The following SLC26A4 variants were observed in gnomAD, a reference collection of about 807,000 sequenced individuals.
SLC26A4 encodes pendrin.
A neutral mutation model predicts 90.4 loss-of-function variants in SLC26A4; 93 were observed. That is an observed-to-expected ratio of 1.03 (90% CI 0.87 to 1.22). SLC26A4 has a LOEUF of 1.22. Among genes scored for constraint, SLC26A4 ranks in the 50% most tolerant of loss-of-function variants. The probability of loss-of-function intolerance (pLI) is 0.00; values close to 1 mark genes in which losing one functional copy is unlikely to be tolerated. For synonymous variants in SLC26A4, 393 were observed against 354.6 expected (o/e 1.11, Z -1.22); for missense variants, 1,127 against 946.2 (o/e 1.19, Z -2.51).
intron 8 of SLC26A4, among the ~76,000 whole-genome samples, chr7:107,684,313 A>G (rs553630780): frequency 3.3e-5 from 5 of 152,312 alleles, no homozygotes; most frequent in African/African-American, 9.6e-5. Context: ...AAGAAGTACT[A>G]GTTTTCCCTA....
chr7:107,671,650 A>G (rs1261018989), intron 3 of SLC26A4, among the ~76,000 whole-genome samples: 5 of 152,198 alleles, frequency 3.3e-5, no homozygotes, highest in Admixed American at 1.3e-4. Context: ...AAGGAGACCA[A>G]CTCAGGACAG....
At chr7:107,671,905 G>C (rs554385773) in intron 3 of SLC26A4, among the ~76,000 whole-genome samples, 1 of 152,268 alleles carries the variant, frequency 6.6e-6, no homozygotes, top group South Asian at 2.1e-4. Flanking sequence ...ATAATCTAAC[G>C]CAAGCCTATT....
Position 107,661,281 on chromosome 7 carries a change from G to T in SLC26A4, c.-3-358G>T. 1 of 357,366 alleles carries T rather than the reference G, an allele frequency of 2.8e-6. No homozygotes were observed. Among genetic ancestry groups the T allele is most frequent in the Non-Finnish European group, 5.2e-6 (1 of 192,954 alleles). The allele number at this position is 357,366 out of a possible 1,614,324, so 22.1% of individuals were successfully genotyped here. On this transcript the variant is annotated intron_variant, in intron 1 of 20. Transcript: ENST00000644269. This position sits in a 1 kb window ranked among gnomAD's most constrained non-coding sequence, Gnocchi z 5.1. ...CCTTTGGCCCCTGCCCCAGCCCCTC[G>T]GTTTGGGGGAGATTTCAGAACGCGG...
At chr7:107,690,896 T>G (rs769086286) in intron 10 of SLC26A4, among the ~76,000 whole-genome samples, 5 of 151,680 alleles carry the variant, frequency 3.3e-5, no homozygotes, top group Admixed American at 6.6e-5. Flanking sequence ...TTCAGAAAGC[T>G]CAGGAGCCAT....
intron 13 of SLC26A4, 52 bp downstream of exon 13, chr7:107,696,091 C>T (rs758034781): frequency 2.0e-6 from 2 of 976,950 alleles, no homozygotes; most frequent in South Asian, 2.6e-5. Flanking sequence ...ACACTCTGAG[C>T]TTCCTTATAC....
At chr7:107,702,191 G>A in intron 17 of SLC26A4, 134 bp downstream of exon 17, 1 of 721,878 alleles carries the variant, frequency 1.4e-6, no homozygotes, top group Middle Eastern at 2.3e-4. Flanking sequence ...GTAAAAAAGT[G>A]TAATATTTTA....
At chr7:107,686,108 G>A (rs113391901) in intron 8 of SLC26A4, among the ~76,000 whole-genome samples, 1 of 140,466 alleles carries the variant, frequency 7.1e-6, no homozygotes, top group Non-Finnish European at 1.6e-5. Context: ...TGTGTGTGTG[G>A]GTGTGTGTGT....
At chr7:107,665,839 A>T (rs893205745) in intron 3 of SLC26A4, among the ~76,000 whole-genome samples, 5 of 152,158 alleles carry the variant, frequency 3.3e-5, no homozygotes, top group African/African-American at 9.7e-5. Flanking sequence ...GGTAAGTGGT[A>T]CAGCTGGGAT....
intron 20 of SLC26A4, among the ~76,000 whole-genome samples, chr7:107,713,342 A>G (rs1195035087): frequency 6.6e-6 from 1 of 152,220 alleles, no homozygotes; most frequent in Non-Finnish European, 1.5e-5. Context: ...CGGCTTCTCA[A>G]GGGAGTTTGT....
At chr7:107,674,033 G>C in intron 4 of SLC26A4, 131 bp from the exon 5 acceptor site, 1 of 965,256 alleles carries the variant, frequency 1.0e-6, no homozygotes, top group Non-Finnish European at 1.6e-6. Context: ...GTCCGGCTCA[G>C]CTTCTTTCGT....
intron 8 of SLC26A4, among the ~76,000 whole-genome samples, chr7:107,688,799 A>C (rs773234034): frequency 2.0e-5 from 3 of 152,246 alleles, no homozygotes; most frequent in Non-Finnish European, 4.4e-5. Flanking sequence ...TATTCATGTG[A>C]GAGATAGAGA....
chr7:107,682,768 G>A (rs1170609288), intron 6 of SLC26A4, among the ~76,000 whole-genome samples: 1 of 152,046 alleles, frequency 6.6e-6, no homozygotes, highest in Non-Finnish European at 1.5e-5. Flanking sequence ...CTGTATCACT[G>A]TAGTAAAAAT....
chr7:107,689,823 A>ATG (rs1791517952), intron 9 of SLC26A4, among the ~76,000 whole-genome samples: 1 of 152,224 alleles, frequency 6.6e-6, no homozygotes, highest in Non-Finnish European at 1.5e-5. Flanking sequence ...AAAACACTTT[A>ATG]TGTGAGAGCT....
intron 17 of SLC26A4, among the ~76,000 whole-genome samples, chr7:107,703,034 C>A (rs1270044017): frequency 6.6e-6 from 1 of 152,172 alleles, no homozygotes; most frequent in Non-Finnish European, 1.5e-5. Context: ...ATTCTGTCAA[C>A]AAATAGATGT....
chr7:107,672,906 A>G (rs1790913880), intron 4 of SLC26A4, among the ~76,000 whole-genome samples: 1 of 152,216 alleles, frequency 6.6e-6, no homozygotes, highest in Non-Finnish European at 1.5e-5. Flanking sequence ...CATTTATACT[A>G]GAGAAAATTT....
In SLC26A4 at chr7:107,712,564, A is replaced by T; in HGVS notation, c.2261A>T (p.Asp754Val). The change falls in exon 20 of 21, where the codon GAT (aspartate) becomes GTT (valine). Residue 754 changes from aspartate (D) to valine (V), a missense_variant. Physicochemically the swap from Asp to Val is radical, Grantham distance 152. Coordinates refer to ENST00000644269, the MANE Select transcript of SLC26A4 (RefSeq NM_000441.2). ...ATCACTCTCATTCAGGATTGTAAAGATACCCTTGAATTAATAGAAACAGAG... is the reference window on the plus strand; with the variant it reads ...ATCACTCTCATTCAGGATTGTAAAGTTACCCTTGAATTAATAGAAACAGAG... ...ETITLIQDCK[D>V]TLELIETELT... 6.3e-7 allele frequency: 1 copy of T among 1,586,842 alleles called. No homozygotes were observed. The highest frequency in any genetic ancestry group is 8.7e-7 in the Non-Finnish European group (1 of 1,155,208).
At chr7:107,673,709 C>T (rs183755170) in intron 4 of SLC26A4, among the ~76,000 whole-genome samples, 79 of 152,072 alleles carry the variant, frequency 5.2e-4, no homozygotes, top group Admixed American at 1.8e-3. Context: ...ATGAATGCCT[C>T]GAGATATCTG....
At chr7:107,664,030 A>G (rs1483570290) in intron 3 of SLC26A4, among the ~76,000 whole-genome samples, 1 of 152,138 alleles carries the variant, frequency 6.6e-6, no homozygotes, top group Non-Finnish European at 1.5e-5. Context: ...ATGTGTAAAG[A>G]GTTTCAAGTC....
intron 3 of SLC26A4, among the ~76,000 whole-genome samples, chr7:107,664,306 T>C (rs759142323): frequency 6.6e-6 from 1 of 152,230 alleles, no homozygotes; most frequent in African/African-American, 2.4e-5. Context: ...CTTGGCTCAA[T>C]GCAACCTCTC....
Sources: gnomAD v4.1 joint callset for allele counts (sites outside exome capture counted in the v4.1 genomes callset) on GRCh38, gnomAD v4.1.1 for gene constraint, Gnocchi (gnomAD v3.1) non-coding constraint, MANE v1.5 for transcripts, NCBI Gene and HGNC (gene_info 2026-07-23, HGNC 2026-07-21) for gene names.